MARCHF10: variants seen among roughly 807,000 people sequenced by gnomAD.
MARCHF10 encodes the protein membrane associated ring-CH-type finger 10.
A neutral mutation model predicts 76.2 loss-of-function variants in MARCHF10; 64 were observed. The observed-to-expected ratio is 0.84, with a 90% CI of 0.69 to 1.03. The LOEUF is 1.03. Ranked by LOEUF, MARCHF10 falls within the 50% of genes least tolerant of loss-of-function variation. The pLI is 0.00. For missense variants in MARCHF10, 875 were observed against 958.0 expected (o/e 0.91, Z 1.14); for synonymous variants, 340 against 357.5 (o/e 0.95, Z 0.55).
intron 2 of MARCHF10, among the ~76,000 whole-genome samples, chr17:62,801,156 TTTTG>T (rs144096274): frequency 0.016 from 2,448 of 152,170 alleles, 72 homozygotes; most frequent in African/African-American, 0.057. Flanking sequence ...GTTTTTTTGT[TTTTG>T]TTTGTTTGTT....
intron 5 of MARCHF10, chr17:62,737,791 G>A (rs1189143017): frequency 6.2e-6 from 1 of 162,276 alleles, no homozygotes; most frequent in African/African-American, 2.4e-5. Context: ...AGCTTTACAA[G>A]AACTTAAGAG....
chr17:62,750,214 A>G (rs1480384965), intron 4 of MARCHF10: 1 of 152,982 alleles, frequency 6.5e-6, no homozygotes, highest in Non-Finnish European at 1.5e-5. Context: ...ACATGAGGTA[A>G]ATCCTACTGG....
chr17:62,705,516 C>G, intron 10 of MARCHF10, 23 bp downstream of exon 10: 1 of 1,614,156 alleles, frequency 6.2e-7, no homozygotes, highest in Non-Finnish European at 8.5e-7. Context: ...CTCAAAATGG[C>G]AGGACTGGCC....
Position 62,705,625 on chromosome 17 carries a change from A to G in MARCHF10, c.2329-44T>C, listed in dbSNP as rs749478387. 2.5e-6 allele frequency: 4 copies of G among 1,609,876 alleles called. No individual in the cohort carries two copies. In the South Asian group the frequency reaches 3.3e-5, roughly 13 times the overall value. ...TGAGAAATGAATTGTTTTTTCCAAT[A>G]CGATTGTGAACAGATGTATAACCTC... On this transcript the variant is annotated intron_variant, in intron 9 of 10. Coordinates refer to ENST00000311269, the MANE Select transcript of MARCHF10 (RefSeq NM_152598.4).
At chr17:62,752,085 A>AG (rs2091914532) in intron 4 of MARCHF10, among the ~76,000 whole-genome samples, 1 of 151,862 alleles carries the variant, frequency 6.6e-6, no homozygotes, top group Non-Finnish European at 1.5e-5. Flanking sequence ...CTCAGTCCTT[A>AG]GTGCCATGCT....
chr17:62,806,007 C>T (rs1235772752), intron 1 of MARCHF10, among the ~76,000 whole-genome samples: 5 of 151,994 alleles, frequency 3.3e-5, no homozygotes, highest in African/African-American at 1.2e-4. Flanking sequence ...TTGTATTTTA[C>T]AATATTTAGA....
rs1454907211 is a variant in MARCHF10, at chr17:62,736,472, C to T, written c.1396G>A (p.Val466Met). 1.2e-6 allele frequency: 2 copies of T among 1,614,156 alleles called. No individual in the cohort carries two copies. Among genetic ancestry groups the T allele is most frequent in the Admixed American group, 3.3e-5 (2 of 60,016 alleles). ...SGRPISPRSSVNSSYNPPASF... is the reference protein window; with the variant it reads ...SGRPISPRSSMNSSYNPPASF... Reference sequence around the variant, plus strand: ...GCAGGAGGGTTATAGGATGAATTCACTGATGATCTTGGAGATATTGGTCTG... The same window carrying T: ...GCAGGAGGGTTATAGGATGAATTCATTGATGATCTTGGAGATATTGGTCTG... Residue 466 changes from valine to methionine, a missense_variant, in exon 6 of 11, where the codon GTG (valine) becomes ATG (methionine). Val to Met is a conservative substitution (Grantham distance 21). Transcript: ENST00000311269.
intron 4 of MARCHF10, among the ~76,000 whole-genome samples, chr17:62,754,072 T>A (rs1316905081): frequency 6.6e-6 from 1 of 152,146 alleles, no homozygotes. Context: ...TTATAACCAC[T>A]TTTTTTGTTG....
At chr17:62,723,087 C>A (rs2090570768) in intron 7 of MARCHF10, among the ~76,000 whole-genome samples, 1 of 150,828 alleles carries the variant, frequency 6.6e-6, no homozygotes, top group Non-Finnish European at 1.5e-5. Context: ...ACATTGCCAC[C>A]TGAGAACAGT....
At chr17:62,709,855 C>T (rs559980582) in intron 9 of MARCHF10, among the ~76,000 whole-genome samples, 4 of 152,216 alleles carry the variant, frequency 2.6e-5, no homozygotes, top group South Asian at 2.1e-4. Flanking sequence ...GCAGCATCAA[C>T]GGCACCGGGC....
Position 62,711,446 on chromosome 17 carries a change from G to T in MARCHF10, c.2215-102C>A. The T allele has an allele frequency of 9.2e-7, 1 of 1,090,984 alleles. No individual in the cohort carries two copies. The highest frequency in any genetic ancestry group is 1.4e-6 in the Non-Finnish European group (1 of 740,646). The allele number at this position is 1,090,984 out of a possible 1,614,324, so 67.6% of individuals were successfully genotyped here. On this transcript the variant is annotated intron_variant, in intron 8 of 10. Transcript: ENST00000311269. The surrounding 1 kb of genome is among the most constrained non-coding windows in gnomAD (Gnocchi z 4.4). ...GGCTAAGAGGTGACAAGAACTGGGA[G>T]AAGAGCCCAAGCTCCAAGGCAAGGC...
At chr17:62,785,730 A>G (rs183378466) in intron 3 of MARCHF10, among the ~76,000 whole-genome samples, 3 of 152,364 alleles carry the variant, frequency 2.0e-5, no homozygotes, top group East Asian at 1.9e-4. Flanking sequence ...ATGAACAGAC[A>G]CTTTTCAAAA....
chr17:62,727,276 AT>A (rs1215975354), intron 6 of MARCHF10, among the ~76,000 whole-genome samples: 1 of 152,150 alleles, frequency 6.6e-6, no homozygotes, highest in African/African-American at 2.4e-5. Flanking sequence ...TTGCAAAAAA[AT>A]TTTTTTTAAC....
chr17:62,704,425 T>G (rs749208543), intron 10 of MARCHF10, among the ~76,000 whole-genome samples: 5 of 152,122 alleles, frequency 3.3e-5, no homozygotes, highest in Non-Finnish European at 5.9e-5. Context: ...CCGGGCTCCT[T>G]TTGTGGAAAA....
chr17:62,744,095 T>C (rs2091612698), intron 5 of MARCHF10, among the ~76,000 whole-genome samples: 1 of 152,058 alleles, frequency 6.6e-6, no homozygotes, highest in African/African-American at 2.4e-5. Flanking sequence ...GTACAGCTGG[T>C]GTCCACTCAA....
Position 62,720,907 on chromosome 17 carries a change from G to A in MARCHF10, c.2214+1581C>T, listed in dbSNP as rs561409804. ...TTTTGAGATGGAGTCTCACTCTGTC[G>A]CCCAGGCTGGAGTGCAGTGGTGCGA... On this transcript the variant is annotated intron_variant, in intron 8 of 10. Transcript: ENST00000311269. Among the ~76,000 whole-genome samples, 355 of 126,296 alleles carry A rather than the reference G, an allele frequency of 2.8e-3. 1 individual carries two copies. The highest frequency in any genetic ancestry group is 4.5e-3 in the Non-Finnish European group (289 of 64,050). 82.9% of individuals were successfully genotyped at this position (126,296 alleles called of 152,430 possible).
At chr17:62,733,028 AAGACAAACT>A (rs944791255) in intron 6 of MARCHF10, among the ~76,000 whole-genome samples, 1 of 151,874 alleles carries the variant, frequency 6.6e-6, no homozygotes, top group Non-Finnish European at 1.5e-5. Context: ...CATAAAGAAA[AAGACAAACT>A]AGACAAACTA....
chr17:62,739,624 G>A (rs1172554735), intron 5 of MARCHF10, among the ~76,000 whole-genome samples: 2 of 152,036 alleles, frequency 1.3e-5, no homozygotes, highest in South Asian at 2.1e-4. Context: ...CAAGTGATCC[G>A]CCTGCCTTGG....
At chr17:62,726,696 G>A (rs756762620) in intron 6 of MARCHF10, among the ~76,000 whole-genome samples, 1 of 152,118 alleles carries the variant, frequency 6.6e-6, no homozygotes, top group Non-Finnish European at 1.5e-5. Context: ...GCAGTGGCTC[G>A]ATCTCAGCTC....
Sources: allele counts gnomAD v4.1 joint callset (sites outside exome capture counted in the v4.1 genomes callset), GRCh38; gene constraint gnomAD v4.1.1; non-coding constraint Gnocchi (gnomAD v3.1); transcripts MANE v1.5; gene names NCBI Gene and HGNC (gene_info 2026-07-23, HGNC 2026-07-21).